The following RPL7A variants were observed in gnomAD, a reference collection of about 807,000 sequenced individuals.
RPL7A encodes the protein ribosomal protein L7a.
For missense variants in RPL7A, 291 were observed against 338.2 expected (o/e 0.86, Z 1.09); for synonymous variants, 158 against 128.2 (o/e 1.23, Z -1.57).
chr9:133,350,760 C>G (rs1836375469), intron 6 of RPL7A, 33 bp downstream of exon 6: 4 of 1,608,646 alleles, frequency 2.5e-6, no homozygotes, highest in Non-Finnish European at 3.4e-6. Flanking sequence ...AACTTCCCCC[C>G]AGTTCATTTA....
chr9:133,348,878 G>A (rs1836295327), intron 1 of RPL7A, 44 bp from the exon 2 acceptor site: 6 of 1,613,066 alleles, frequency 3.7e-6, no homozygotes, highest in Non-Finnish European at 5.1e-6. Context: ...CCCCGACGAA[G>A]CGAGTGGAGG....
In RPL7A at chr9:133,349,894, T is replaced by A; in HGVS notation, c.275-18T>A. 6.2e-7 allele frequency: 1 copy of A among 1,610,686 alleles called. No individual in the cohort carries two copies. The highest frequency in any genetic ancestry group is 8.5e-7 in the Non-Finnish European group (1 of 1,179,602). On this transcript the variant is annotated intron_variant, in intron 3 of 7. Coordinates refer to ENST00000323345, the MANE Select transcript of RPL7A (RefSeq NM_000972.3). ...TAGAACCTTGACTCCAAGCCTAAAC[T>A]GAAGAGTGTTTTTCCAGCTACTCAG...
chr9:133,350,892 T>G, intron 6 of RPL7A, 110 bp from the exon 7 acceptor site: 1 of 1,462,958 alleles, frequency 6.8e-7, no homozygotes, highest in Non-Finnish European at 9.6e-7. Context: ...AACCATGTGG[T>G]CAGCATTGCA....
chr9:133,349,613 T>G lies in RPL7A; in HGVS notation c.187T>G (p.Leu63Val), dbSNP rs2129987454. The change falls in exon 3 of 8, where the codon TTG becomes GTG. Residue 63 changes from leucine to valine, a missense_variant. Coordinates refer to ENST00000323345, the MANE Select transcript of RPL7A (RefSeq NM_000972.3). ...RFVKWPRYIR[L>V]QRQRAILYKR... is the part of the protein sequence containing the mutation. ...TGTGAAATGGCCCCGCTATATCAGG[T>G]TGCAGCGGCAGAGAGCCATCCTCTA... 6.2e-7 allele frequency: 1 copy of G among 1,614,064 alleles called. No homozygotes were observed.
rs2129988055 is a variant in RPL7A, at chr9:133,349,703, G to C, written c.274+3G>C. On this transcript the variant is annotated splice_donor_region_variant and intron_variant, in intron 3 of 7. Transcript: ENST00000323345. ...CCAGGCCCTGGACCGCCAAACAGGTGAGGTTCTGTGGCGTGGAAAGGAGTT... is the reference window on the plus strand; with the variant it reads ...CCAGGCCCTGGACCGCCAAACAGGTCAGGTTCTGTGGCGTGGAAAGGAGTT... 1 of 1,613,846 alleles carries C rather than the reference G, an allele frequency of 6.2e-7. No homozygotes were observed. Among genetic ancestry groups the C allele is most frequent in the East Asian group, 2.2e-5 (1 of 44,890 alleles).
rs1836299760 is a variant in RPL7A at position 133,348,958 on chromosome 9, C to T, written c.40C>T (p.Pro14Ser). 1.3e-5 allele frequency: 21 copies of T among 1,613,986 alleles called. No homozygotes were observed. Among genetic ancestry groups the T allele is most frequent in the Non-Finnish European group, 1.8e-5 (21 of 1,180,000 alleles). The change falls in exon 2 of 8, where the codon CCG becomes TCG. Residue 14 changes from proline (P) to serine (S), a missense_variant. Pro to Ser is a moderately conservative substitution (Grantham distance 74). Coordinates refer to ENST00000323345, the MANE Select transcript of RPL7A (RefSeq NM_000972.3). ...GKKAKGKKVA[P>S]APAVVKKQEA... ...GAAGGCCAAGGGAAAGAAGGTGGCT[C>T]CGGCCCCAGCTGTCGTGAAGAAGCA...
At chr9:133,349,171 G>C (rs1836307880) in intron 2 of RPL7A, 129 bp downstream of exon 2, 8 of 1,121,930 alleles carry the variant, frequency 7.1e-6, no homozygotes, top group South Asian at 1.4e-5. Flanking sequence ...GTGTCTCTTA[G>C]AGACGGGGGC....
Position 133,349,991 on chromosome 9 carries a change from C to T in RPL7A, c.354C>T (p.Ala118=), listed in dbSNP as rs1403129090. 6 of 1,612,478 alleles carry T rather than the reference C, an allele frequency of 3.7e-6. No homozygotes were observed. The African/African-American group carries it at 4.0e-5, about 11-fold the overall frequency. Residue 118 remains alanine (A), a synonymous_variant, in exon 4 of 8, where the codon GCC becomes GCT. Coordinates refer to ENST00000323345, the MANE Select transcript of RPL7A (RefSeq NM_000972.3). ...AGAAGCAGAGACTGTTGGCCCGGGCCGAGAAGAAGGCTGCTGGCAAAGGGG... is the reference window on the plus strand; with the variant it reads ...AGAAGCAGAGACTGTTGGCCCGGGCTGAGAAGAAGGCTGCTGGCAAAGGGG... ...QEKKQRLLAR[A]EKKAAGKGDV... is the part of the protein sequence containing the mutation.
In RPL7A at chr9:133,350,947, C is replaced by A. The variant is rs2129997076; in HGVS notation, c.627-55C>A. On this transcript the variant is annotated intron_variant, in intron 6 of 7. Coordinates refer to ENST00000323345, the MANE Select transcript of RPL7A (RefSeq NM_000972.3). ...TTGAGCTAAAAGGTATTTTTGCATT[C>A]TAAAAGGGAAACTAAGGCAAAAAAC... is the stretch of plus-strand genomic sequence containing the variant. The A allele has an allele frequency of 2.5e-6, 4 of 1,589,080 alleles. No homozygotes were observed. In the South Asian group the frequency reaches 4.4e-5, roughly 18 times the overall value.
In RPL7A at chr9:133,349,952, G is replaced by A. The variant is rs2129990018; in HGVS notation, c.315G>A (p.Glu105=). Residue 105 remains glutamate (E), a synonymous_variant, in exon 4 of 8, where the codon GAG becomes GAA. Transcript: ENST00000323345. ...AGCTGGCCCACAAGTACAGACCAGA[G>A]ACAAAGCAAGAGAAGAAGCAGAGAC... is the stretch of plus-strand genomic sequence containing the variant. ...LLKLAHKYRP[E]TKQEKKQRLL... The A allele has an allele frequency of 1.9e-6, 3 of 1,611,730 alleles. No individual in the cohort carries two copies. Among genetic ancestry groups the A allele is most frequent in the South Asian group, 2.2e-5 (2 of 91,000 alleles).
At chr9:133,349,385 A>G (rs1836315236) in intron 2 of RPL7A, 166 bp from the exon 3 acceptor site, 2 of 959,184 alleles carry the variant, frequency 2.1e-6, no homozygotes, top group African/African-American at 1.6e-5. Context: ...CTTTGTTCTC[A>G]GGTGTTTGTG....
rs1564346037 is a variant in RPL7A, at chr9:133,351,396, AAAT to A, written c.*34_*36del. 1 of 1,432,216 alleles carries A rather than the reference AAAT, an allele frequency of 7.0e-7. No homozygotes were observed. Among genetic ancestry groups the A allele is most frequent in the East Asian group, 2.3e-5 (1 of 43,512 alleles). 88.7% of individuals were successfully genotyped at this position (1,432,216 alleles called of 1,614,324 possible). On this transcript the variant is annotated 3_prime_UTR_variant, in exon 8 of 8. Coordinates refer to ENST00000323345, the MANE Select transcript of RPL7A (RefSeq NM_000972.3). ...ACACTGTTGAGTTTTCTGTACATAA[AAAT>A]AATTGAAATAATACAAATTTTCCTT...
intron 1 of RPL7A, chr9:133,348,448 CG>C: frequency 2.8e-6 from 2 of 705,126 alleles, no homozygotes; most frequent in Non-Finnish European, 4.7e-6. Flanking sequence ...GAGCCCCGGG[CG>C]GCCGAGAGCG....
At chr9:133,349,887 C>T (rs2129989362) in intron 3 of RPL7A, 25 bp from the exon 4 acceptor site, 2 of 1,609,918 alleles carry the variant, frequency 1.2e-6, no homozygotes, top group Admixed American at 1.7e-5. Flanking sequence ...TGACTCCAAG[C>T]CTAAACTGAA....
chr9:133,348,859 G>GT, intron 1 of RPL7A, 63 bp from the exon 2 acceptor site: 1 of 1,612,896 alleles, frequency 6.2e-7, no homozygotes, highest in Non-Finnish European at 8.5e-7. Flanking sequence ...GAGCCAGCCT[G>GT]AGCCCTACCC....
rs1433008061 is a variant in RPL7A at position 133,349,791 on chromosome 9, C to T, written c.274+91C>T. The T allele has an allele frequency of 8.9e-6, 14 of 1,581,590 alleles. No individual in the cohort carries two copies. In the African/African-American group the frequency reaches 1.2e-4, roughly 14 times the overall value. ...GGGGGATGGTCTTAGGCTTCTTGAA[C>T]TGCAGTTGTCATTAAATTATAGTCA... is the stretch of plus-strand genomic sequence containing the variant. On this transcript the variant is annotated intron_variant, in intron 3 of 7. Transcript: ENST00000323345.
rs2129976991 is a variant in RPL7A at position 133,348,231 on chromosome 9, C to G, written c.-13C>G. 6.2e-7 allele frequency: 1 copy of G among 1,614,136 alleles called. No individual in the cohort carries two copies. Among genetic ancestry groups the G allele is most frequent in the South Asian group, 1.1e-5 (1 of 91,084 alleles). On this transcript the variant is annotated 5_prime_UTR_variant, in exon 1 of 8. Transcript: ENST00000323345. ...CAATTCCCTTTCCTTTCTCTCTCCT[C>G]CCGCCGCCCAAGATGGTGAGTGAGC...
chr9:133,351,123 A>G (rs1333712956), intron 7 of RPL7A, 52 bp downstream of exon 7: 2 of 1,591,466 alleles, frequency 1.3e-6, no homozygotes, highest in Non-Finnish European at 1.7e-6. Context: ...CTTTCTCCCA[A>G]ATAACTGGCT....
At chr9:133,351,113 CT>C in intron 7 of RPL7A, 42 bp downstream of exon 7, 1 of 1,596,988 alleles carries the variant, frequency 6.3e-7, no homozygotes. Flanking sequence ...ATTCACAAAT[CT>C]TTCTCCCAAA....
Sources: gnomAD v4.1 joint callset for allele counts on GRCh38, gnomAD v4.1.1 for gene constraint, MANE v1.5 for transcripts, NCBI Gene and HGNC (gene_info 2026-07-23, HGNC 2026-07-21) for gene names.